Variants in ARHGEF18 observed in about 807,000 individuals in gnomAD.
The protein encoded by ARHGEF18 is rho guanine nucleotide exchange factor 18.
Under a neutral mutation model 155.7 loss-of-function variants are expected in ARHGEF18, and 93 were observed. That is an observed-to-expected ratio of 0.60 (90% confidence interval 0.50 to 0.71). The LOEUF (loss-of-function observed/expected upper bound fraction) is 0.71, where lower values mean the gene tolerates loss of function less well. Ranked by LOEUF, ARHGEF18 falls within the 30% of genes least tolerant of loss-of-function variation. The pLI, the probability that ARHGEF18 is intolerant of heterozygous loss-of-function variation, is 0.00. For synonymous variants in ARHGEF18, 742 were observed against 753.1 expected (o/e 0.99, Z 0.24); for missense variants, 1,593 against 1,816.1 (o/e 0.88, Z 2.23).
Position 7,351,291 on chromosome 19 carries a change from C to T in ARHGEF18, c.-111+2050C>T, listed in dbSNP as rs573811450. ...GGATCTCAATCTGTAAGCAAGTCTG[C>T]TAGAGTGGACTTCTTTTGTTTGTTT... On this transcript the variant is annotated intron_variant, in intron 1 of 28. Coordinates refer to ENST00000668164, the MANE Select transcript of ARHGEF18 (RefSeq NM_001367823.1). Among the ~76,000 whole-genome samples, 4 of 150,752 alleles carry T rather than the reference C, an allele frequency of 2.7e-5. No homozygotes were observed. The South Asian group carries it at 8.4e-4, about 32-fold the overall frequency.
chr19:7,389,095 C>T (rs1258307318), intron 10 of ARHGEF18, among the ~76,000 whole-genome samples: 1 of 151,438 alleles, frequency 6.6e-6, no homozygotes, highest in East Asian at 1.9e-4. Flanking sequence ...AAGAGATCCT[C>T]CCACTTCAGC....
chr19:7,362,790 C>G lies in ARHGEF18; in HGVS notation c.-101C>G. The G allele has an allele frequency of 8.1e-7, 1 of 1,234,082 alleles. No homozygotes were observed. Among genetic ancestry groups the G allele is most frequent in the Non-Finnish European group, 1.0e-6 (1 of 988,098 alleles). The allele number at this position is 1,234,082 out of a possible 1,614,324, so 76.4% of individuals were successfully genotyped here. On this transcript the variant is annotated 5_prime_UTR_variant, in exon 2 of 29. Coordinates refer to ENST00000668164, the MANE Select transcript of ARHGEF18 (RefSeq NM_001367823.1). ...CCTCCTTTCTCCACAGGCTCTGAGC[C>G]CAAGTCATGTGTCCAGCCTTTTGAC...
rs1369366178 is a variant in ARHGEF18, at chr19:7,470,605, C to T, written c.*307C>T. 1.5e-5 allele frequency: 6 copies of T among 397,268 alleles called. No homozygotes were observed. The highest frequency in any genetic ancestry group is 1.4e-4 in the South Asian group (1 of 7,058). 24.6% of individuals were successfully genotyped at this position (397,268 alleles called of 1,614,324 possible). A position where few individuals can be genotyped will look rare whatever the true frequency, so the allele number is the denominator to read the frequency against. On this transcript the variant is annotated 3_prime_UTR_variant, in exon 29 of 29. Transcript: ENST00000668164. The surrounding 1 kb of genome is among the most constrained non-coding windows in gnomAD (Gnocchi z 5.9). ...CTGTCTGAAATCATAGCACCCCATC[C>T]GGGTGGCGGGGAGATCAACTCCGAG...
chr19:7,394,640 C>T (rs1971582647), intron 10 of ARHGEF18, among the ~76,000 whole-genome samples: 2 of 150,944 alleles, frequency 1.3e-5, no homozygotes, highest in Non-Finnish European at 3.0e-5. Context: ...CCTTGGGGTC[C>T]CCCAACCCCG....
intron 22 of ARHGEF18, 86 bp downstream of exon 22, chr19:7,464,041 T>G: frequency 6.9e-7 from 1 of 1,446,560 alleles, no homozygotes. Flanking sequence ...TAGAACTTTC[T>G]TTTTTGTTGT....
chr19:7,393,417 A>G (rs751541533), intron 10 of ARHGEF18, among the ~76,000 whole-genome samples: 1 of 152,184 alleles, frequency 6.6e-6, no homozygotes, highest in Non-Finnish European at 1.5e-5. Flanking sequence ...GAGGTTTCCC[A>G]GGCTGATCTC....
At chr19:7,478,789 C>T in the ARHGEF18 span, among the ~76,000 whole-genome samples, 1 of 152,244 alleles carries the variant, frequency 6.6e-6, no homozygotes, top group Non-Finnish European at 1.5e-5. Context: ...CTTGTCTGCT[C>T]TGTGTGGAAA....
intron 10 of ARHGEF18, among the ~76,000 whole-genome samples, chr19:7,430,672 G>T (rs548400450): frequency 1.3e-3 from 193 of 152,150 alleles, no homozygotes; most frequent in African/African-American, 3.8e-3. Context: ...GGGCATGGTG[G>T]TATGCGCCTA....
chr19:7,447,273 A>G (rs6603085), intron 15 of ARHGEF18, 105 bp downstream of exon 15: 835,268 of 1,097,194 alleles, frequency 0.76, 320,262 homozygotes, highest in African/African-American at 0.94. Context: ...GGCGGATCAC[A>G]AGGCCAGGAG....
chr19:7,362,741 C>T, intron 1 of ARHGEF18, 40 bp from the exon 2 acceptor site: 1 of 1,232,790 alleles, frequency 8.1e-7, no homozygotes, highest in Non-Finnish European at 1.0e-6. Flanking sequence ...CTCAGCACTC[C>T]CAGCTTATCC....
intron 11 of ARHGEF18, 27 bp from the exon 12 acceptor site, chr19:7,441,626 A>G (rs1974650085): frequency 1.3e-6 from 2 of 1,592,488 alleles, no homozygotes; most frequent in African/African-American, 2.7e-5. Flanking sequence ...CTTTTCTAAA[A>G]CAATTGTTTT....
Position 7,407,963 on chromosome 19 carries a change from A to G in ARHGEF18, c.967+24760A>G, listed in dbSNP as rs111330998. On this transcript the variant is annotated intron_variant, in intron 10 of 28. Coordinates refer to ENST00000668164, the MANE Select transcript of ARHGEF18 (RefSeq NM_001367823.1). ...GGCAACAGAGCGAGACTCCGTCTCA[A>G]AAAAAAAAAAAAAAAAAAAAAAAAG... 2.6e-4 allele frequency among the ~76,000 whole-genome samples: 10 copies of G among 37,858 alleles called. No individual in the cohort carries two copies. The East Asian group carries it at 6.3e-3, about 24-fold the overall frequency. 24.8% of individuals were successfully genotyped at this position (37,858 alleles called of 152,430 possible).
At chr19:7,362,576 C>T (rs971964665) in intron 1 of ARHGEF18, among the ~76,000 whole-genome samples, 9 of 152,208 alleles carry the variant, frequency 5.9e-5, no homozygotes, top group Non-Finnish European at 1.3e-4. Flanking sequence ...CTAGCAATGT[C>T]TGCCATAGGC....
chr19:7,467,802 A>G, intron 26 of ARHGEF18, 118 bp downstream of exon 26: 1 of 1,041,578 alleles, frequency 9.6e-7, no homozygotes, highest in Non-Finnish European at 1.3e-6. Flanking sequence ...TGTAAGAGCA[A>G]ACGGCACAAG....
intron 1 of ARHGEF18, among the ~76,000 whole-genome samples, chr19:7,357,809 G>A (rs918915560): frequency 6.6e-6 from 1 of 152,074 alleles, no homozygotes; most frequent in Non-Finnish European, 1.5e-5. Context: ...CTTCAGTGAA[G>A]GGTCCCAGTG....
intron 10 of ARHGEF18, among the ~76,000 whole-genome samples, chr19:7,426,366 C>T (rs1407623260): frequency 4.8e-5 from 7 of 147,260 alleles, no homozygotes; most frequent in East Asian, 2.1e-4. Context: ...ACGTGCCTGT[C>T]GTCCCGGCTA....
At chr19:7,364,275 A>G (rs1216246347) in intron 2 of ARHGEF18, among the ~76,000 whole-genome samples, 6 of 151,280 alleles carry the variant, frequency 4.0e-5, no homozygotes, top group African/African-American at 9.7e-5. Flanking sequence ...TGGATAAATG[A>G]AAGGATGAAG....
intron 19 of ARHGEF18, 140 bp from the exon 20 acceptor site, chr19:7,459,763 C>T (rs950308299): frequency 4.8e-5 from 32 of 663,504 alleles, no homozygotes; most frequent in South Asian, 9.7e-5. Flanking sequence ...TTCCCCTCCT[C>T]GTCCTCCTGC....
At chr19:7,403,178 G>A (rs1972107239) in intron 10 of ARHGEF18, among the ~76,000 whole-genome samples, 1 of 152,220 alleles carries the variant, frequency 6.6e-6, no homozygotes, top group Middle Eastern at 3.4e-3. Context: ...CTGACCTCAA[G>A]CAATCCGCCC....
Sources: gnomAD v4.1 joint callset for allele counts (sites outside exome capture counted in the v4.1 genomes callset) on GRCh38, gnomAD v4.1.1 for gene constraint, Gnocchi (gnomAD v3.1) non-coding constraint, MANE v1.5 for transcripts, NCBI Gene and HGNC (gene_info 2026-07-23, HGNC 2026-07-21) for gene names.